The following CSRNP3 variants were observed in gnomAD, a reference collection of about 807,000 sequenced individuals.
CSRNP3 encodes cysteine and serine rich nuclear protein 3, also known as cysteine/serine-rich nuclear protein 3.
CSRNP3 carries 12 observed loss-of-function variants against 48.0 expected under a neutral mutation model. The observed-to-expected ratio is 0.25, with a 90% confidence interval of 0.16 to 0.41. The LOEUF is 0.41. Ranked by LOEUF, CSRNP3 falls within the 10% of genes least tolerant of loss-of-function variation. CSRNP3 has a pLI of 1.00. For synonymous variants in CSRNP3, 263 were observed against 269.7 expected (o/e 0.98, Z 0.24); for missense variants, 580 against 724.4 (o/e 0.80, Z 2.29).
chr2:165,507,042 A>G (rs995315195), intron 2 of CSRNP3, among the ~76,000 whole-genome samples: 5 of 152,214 alleles, frequency 3.3e-5, no homozygotes, highest in Admixed American at 3.3e-4. Flanking sequence ...TATTTTTTCA[A>G]AACAACACTG....
chr2:165,592,801 CATTTT>C (rs1685740558), intron 3 of CSRNP3, among the ~76,000 whole-genome samples: 1 of 133,442 alleles, frequency 7.5e-6, no homozygotes, highest in Non-Finnish European at 1.6e-5. Context: ...AACCTCTTTT[CATTTT>C]TTTTTTTTTT....
chr2:165,658,004 A>G lies in CSRNP3; in HGVS notation c.392A>G (p.Asn131Ser), dbSNP rs1687034776. Reference protein sequence around the residue: ...LREHLREEKLNSLKLKMTKNG... With the variant: ...LREHLREEKLSSLKLKMTKNG... ...GAACACCTTAGGGAGGAAAAGCTGA[A>G]CTCCTTAAAACTAAAGGTAAAAAAC... Residue 131 changes from asparagine (N) to serine (S), a missense_variant, in exon 5 of 7, where the codon AAC becomes AGC. By Grantham distance (46) the Asn-to-Ser change is conservative. This residue lies in a region of CSRNP3 where 62 missense variants were observed against 66.4 expected (regional missense o/e 0.93). Coordinates refer to ENST00000651982, the MANE Select transcript of CSRNP3 (RefSeq NM_001172173.2). 1 of 1,610,812 alleles carries G rather than the reference A, an allele frequency of 6.2e-7. No homozygotes were observed. The highest frequency in any genetic ancestry group is 1.3e-5 in the African/African-American group (1 of 74,862).
intron 1 of CSRNP3, among the ~76,000 whole-genome samples, chr2:165,489,117 C>T (rs1219497354): frequency 6.7e-6 from 1 of 149,912 alleles, no homozygotes; most frequent in Non-Finnish European, 1.5e-5. Flanking sequence ...AAGGGGATAT[C>T]ACCACTGATC....
chr2:165,537,312 T>C (rs1296058768), intron 3 of CSRNP3, among the ~76,000 whole-genome samples: 2 of 150,930 alleles, frequency 1.3e-5, no homozygotes, highest in Admixed American at 6.7e-5. Context: ...TGGTGAATAC[T>C]GAGCTTTACA....
intron 4 of CSRNP3, among the ~76,000 whole-genome samples, chr2:165,603,235 A>C (rs1685948333): frequency 6.6e-6 from 1 of 152,166 alleles, no homozygotes; most frequent in African/African-American, 2.4e-5. Flanking sequence ...AAACTTTGGC[A>C]ATGGTTTTCC....
chr2:165,492,608 A>T (rs1038079886), intron 1 of CSRNP3, among the ~76,000 whole-genome samples: 1 of 148,238 alleles, frequency 6.7e-6, no homozygotes, highest in Non-Finnish European at 1.5e-5. Context: ...TTAATGGCTT[A>T]TTTTTCTCAA....
chr2:165,520,690 GTATC>G (rs66559803), intron 3 of CSRNP3, among the ~76,000 whole-genome samples: 34,722 of 139,840 alleles, frequency 0.25, 4,577 homozygotes, highest in East Asian at 0.38. Context: ...GGCTCTCTCT[GTATC>G]TATCTATCTA....
chr2:165,620,168 CTT>C (rs1180885859), intron 4 of CSRNP3, among the ~76,000 whole-genome samples: 1 of 152,038 alleles, frequency 6.6e-6, no homozygotes, highest in African/African-American at 2.4e-5. Flanking sequence ...CACAGTTTTT[CTT>C]TGTGATCAAT....
chr2:165,569,280 T>C (rs1376311819), intron 3 of CSRNP3, among the ~76,000 whole-genome samples: 1 of 152,098 alleles, frequency 6.6e-6, no homozygotes, highest in Non-Finnish European at 1.5e-5. Flanking sequence ...TAGTAGCAAG[T>C]GGTATACATA....
chr2:165,622,709 T>A (rs1307495081), intron 4 of CSRNP3, among the ~76,000 whole-genome samples: 1 of 152,218 alleles, frequency 6.6e-6, no homozygotes, highest in Admixed American at 6.5e-5. Context: ...AAAGATACTC[T>A]TTTAAAAACA....
chr2:165,660,241 T>C (rs751349485), intron 5 of CSRNP3, among the ~76,000 whole-genome samples: 5 of 152,206 alleles, frequency 3.3e-5, no homozygotes, highest in Non-Finnish European at 7.3e-5. Context: ...AGTGATTTTA[T>C]TTGCCAGGTA....
At chr2:165,573,956 A>G (rs968977691) in intron 3 of CSRNP3, among the ~76,000 whole-genome samples, 14 of 152,308 alleles carry the variant, frequency 9.2e-5, no homozygotes, top group African/African-American at 3.4e-4. Flanking sequence ...TGGTTACCAT[A>G]GTCGCTGCTG....
At chr2:165,649,794 G>C (rs1346476173) in intron 4 of CSRNP3, among the ~76,000 whole-genome samples, 4 of 152,146 alleles carry the variant, frequency 2.6e-5, no homozygotes, top group Admixed American at 1.3e-4. Flanking sequence ...CCCCTGACTT[G>C]TTGTCCTTTA....
intron 3 of CSRNP3, among the ~76,000 whole-genome samples, chr2:165,533,663 T>A (rs1399879885): frequency 6.6e-6 from 1 of 152,120 alleles, no homozygotes; most frequent in African/African-American, 2.4e-5. Flanking sequence ...AGAATTTTTC[T>A]CTTCTGTTTT....
intron 3 of CSRNP3, among the ~76,000 whole-genome samples, chr2:165,593,719 C>T (rs1685761957): frequency 1.3e-5 from 2 of 152,108 alleles, no homozygotes; most frequent in East Asian, 1.9e-4. Flanking sequence ...ATTGACTATA[C>T]TCTGGCGGAA....
intron 4 of CSRNP3, among the ~76,000 whole-genome samples, chr2:165,636,981 C>A (rs1005370941): frequency 6.6e-6 from 1 of 152,150 alleles, no homozygotes; most frequent in African/African-American, 2.4e-5. Flanking sequence ...GGTGTCATGG[C>A]ATACTCAGTT....
chr2:165,665,989 A>AAAGG (rs71028498), intron 5 of CSRNP3, among the ~76,000 whole-genome samples: 92,453 of 116,158 alleles, frequency 0.8, 37,399 homozygotes, highest in Non-Finnish European at 0.83. Context: ...AGAAAGAGAG[A>AAAGG]AAGGAAGGAA....
intron 3 of CSRNP3, among the ~76,000 whole-genome samples, chr2:165,529,048 A>G (rs894964239): frequency 1.4e-5 from 2 of 141,958 alleles, no homozygotes; most frequent in African/African-American, 2.6e-5. Flanking sequence ...GGGTCCCTGC[A>G]TTCTTGGGGG....
chr2:165,635,195 G>T (rs796260346), intron 4 of CSRNP3, among the ~76,000 whole-genome samples: 22 of 152,354 alleles, frequency 1.4e-4, no homozygotes, highest in African/African-American at 5.3e-4. Flanking sequence ...CCCCTGGGGT[G>T]CCCGTGAGGG....
Sources: allele counts gnomAD v4.1 joint callset (sites outside exome capture counted in the v4.1 genomes callset), GRCh38; gene constraint gnomAD v4.1.1; regional missense constraint gnomAD v4.1.1; transcripts MANE v1.5; gene names NCBI Gene and HGNC (gene_info 2026-07-23, HGNC 2026-07-21).